ARMC3: variants seen among roughly 807,000 people sequenced by gnomAD.
ARMC3 encodes the protein armadillo repeat-containing protein 3.
In ARMC3, 74 loss-of-function variants were observed where a neutral mutation model predicts 90.3. That is an observed-to-expected ratio of 0.82 (90% CI 0.68 to 0.99). The LOEUF (loss-of-function observed/expected upper bound fraction) is 0.99, where lower values mean the gene tolerates loss of function less well. Ranked by LOEUF, ARMC3 falls within the 50% of genes least tolerant of loss-of-function variation. The pLI, the probability that ARMC3 is intolerant of heterozygous loss-of-function variation, is 0.00. For synonymous variants in ARMC3, 334 were observed against 361.8 expected, an observed-to-expected ratio of 0.92 and a Z score of 0.87; for missense variants, 958 against 1,042.8, an observed-to-expected ratio of 0.92 and a Z score of 1.12.
At chr10:22,967,112 G>A (rs1029708397) in intron 7 of ARMC3, among the ~76,000 whole-genome samples, 3 of 152,106 alleles carry the variant, frequency 2.0e-5, no homozygotes, top group Non-Finnish European at 2.9e-5. Flanking sequence ...GTTGTAATTC[G>A]AGTCCAGGGG....
intron 4 of ARMC3, 62 bp from the exon 5 acceptor site, chr10:22,959,008 C>A: frequency 7.4e-7 from 1 of 1,356,674 alleles, no homozygotes; most frequent in Non-Finnish European, 1.1e-6. Context: ...CAGGCATGAG[C>A]CACCACACCC....
chr10:22,991,374 C>T (rs562390808), intron 10 of ARMC3, among the ~76,000 whole-genome samples: 4 of 152,086 alleles, frequency 2.6e-5, no homozygotes, highest in African/African-American at 4.8e-5. Context: ...TGTGATCCGT[C>T]GGTACAGCTG....
intron 12 of ARMC3, 70 bp from the exon 13 acceptor site, chr10:23,003,176 G>GT (rs1353218646): frequency 7.1e-7 from 1 of 1,405,836 alleles, no homozygotes; most frequent in African/African-American, 1.4e-5. Flanking sequence ...TCTGAAGTCG[G>GT]TATATAAGTG....
chr10:22,932,030 C>T lies in ARMC3; in HGVS notation c.34C>T (p.Pro12Ser), dbSNP rs755898923. Residue 12 changes from proline to serine, a missense_variant, in exon 2 of 19, where the codon CCT (proline) becomes TCT (serine). Pro to Ser is a moderately conservative substitution (Grantham distance 74, BLOSUM62 -1). Coordinates refer to ENST00000298032, the MANE Select transcript of ARMC3 (RefSeq NM_173081.5). The stretch of plus-strand genomic sequence containing the variant: ...AAAGATAAAGAAGGAAGTAGAGCCT[C>T]CTCCTAAGGATGTGGTAAGTTTCTG... ...GKKIKKEVEPPPKDVFDPLMI... is the reference protein window; with the variant it reads ...GKKIKKEVEPSPKDVFDPLMI... The T allele has an allele frequency of 3.1e-6, 5 of 1,603,348 alleles. No homozygotes were observed. The South Asian group carries it at 5.6e-5, about 18-fold the overall frequency.
intron 10 of ARMC3, 84 bp downstream of exon 10, chr10:22,981,784 A>G (rs1836203167): frequency 5.2e-6 from 6 of 1,146,260 alleles, no homozygotes; most frequent in Non-Finnish European, 7.7e-6. Flanking sequence ...ATTGACTTTC[A>G]CGATAGTCTA....
chr10:22,940,281 G>A (rs1053702569), intron 2 of ARMC3, among the ~76,000 whole-genome samples: 1 of 152,152 alleles, frequency 6.6e-6, no homozygotes, highest in Non-Finnish European at 1.5e-5. Flanking sequence ...TGGCAAAAAA[G>A]GCTATGCGAT....
chr10:22,998,963 A>G (rs1837153297), intron 11 of ARMC3, among the ~76,000 whole-genome samples: 1 of 152,246 alleles, frequency 6.6e-6, no homozygotes, highest in Non-Finnish European at 1.5e-5. Flanking sequence ...GGGAATGCTG[A>G]ATCCGAAATT....
intron 6 of ARMC3, chr10:22,960,044 A>G (rs1835124808): frequency 6.1e-6 from 2 of 327,540 alleles, no homozygotes; most frequent in South Asian, 5.0e-5. Flanking sequence ...CACAATAGCA[A>G]GATGCTACCT....
At chr10:22,947,677 C>T (rs1179618323) in intron 3 of ARMC3, among the ~76,000 whole-genome samples, 1 of 152,172 alleles carries the variant, frequency 6.6e-6, no homozygotes, top group African/African-American at 2.4e-5. Context: ...ACAGTGTCTT[C>T]ATATTAGTTC....
intron 16 of ARMC3, among the ~76,000 whole-genome samples, chr10:23,013,052 C>G (rs191501184): frequency 6.6e-6 from 1 of 152,188 alleles, no homozygotes; most frequent in Admixed American, 6.5e-5. Flanking sequence ...TCATGCCCAG[C>G]TAATTTTTAT....
In ARMC3 at chr10:22,959,141, A is replaced by T. The variant is rs1835083134; in HGVS notation, c.361+3A>T. The T allele has an allele frequency of 6.2e-7, 1 of 1,610,454 alleles. No homozygotes were observed. The highest frequency in any genetic ancestry group is 8.5e-7 in the Non-Finnish European group (1 of 1,176,782). On this transcript the variant is annotated splice_donor_region_variant and intron_variant, in intron 5 of 18. Coordinates refer to ENST00000298032, the MANE Select transcript of ARMC3 (RefSeq NM_173081.5). ...CATTGCCCAGCTCGCTCCAGAAGGTAACTTTGCATTCTATATCTGTTTTAA... is the reference window on the plus strand; with the variant it reads ...CATTGCCCAGCTCGCTCCAGAAGGTTACTTTGCATTCTATATCTGTTTTAA...
chr10:22,928,983 TTGGGAGG>T (rs1217809166), intron 1 of ARMC3, among the ~76,000 whole-genome samples: 28 of 152,188 alleles, frequency 1.8e-4, no homozygotes, highest in South Asian at 8.3e-4. Context: ...CCCCAGCACT[TTGGGAGG>T]CTGAGGCGGG....
chr10:22,979,082 C>A (rs977037291), intron 8 of ARMC3, among the ~76,000 whole-genome samples: 9 of 152,134 alleles, frequency 5.9e-5, no homozygotes, highest in African/African-American at 2.2e-4. Context: ...GCATTAACAT[C>A]TCAGCAGGAG....
intron 12 of ARMC3, among the ~76,000 whole-genome samples, chr10:23,002,364 C>T (rs1564385394): frequency 6.6e-6 from 1 of 152,210 alleles, no homozygotes; most frequent in Non-Finnish European, 1.5e-5. Flanking sequence ...TGTCTCTCAA[C>T]TTTCAAGGCT....
chr10:23,005,734 C>T (rs1020569930), intron 13 of ARMC3, among the ~76,000 whole-genome samples: 1 of 151,964 alleles, frequency 6.6e-6, no homozygotes, highest in Admixed American at 6.6e-5. Flanking sequence ...CATGGTGGCA[C>T]GCACCTGTAA....
chr10:22,935,066 C>T (rs559004524), intron 2 of ARMC3, among the ~76,000 whole-genome samples: 1 of 152,274 alleles, frequency 6.6e-6, no homozygotes, highest in East Asian at 1.9e-4. Context: ...GCTCTAAATT[C>T]CCAAGAGACT....
chr10:22,961,781 G>T, intron 6 of ARMC3, 103 bp from the exon 7 acceptor site: 1 of 980,530 alleles, frequency 1.0e-6, no homozygotes. Context: ...ATAAAAGATG[G>T]GCAAATTATA....
intron 16 of ARMC3, chr10:23,014,323 GT>G: frequency 7.1e-7 from 1 of 1,406,750 alleles, no homozygotes; most frequent in South Asian, 1.6e-5. Context: ...CTCAATGTGC[GT>G]CCCTTCTCTC....
chr10:22,962,040 C>A lies in ARMC3; in HGVS notation c.694C>A (p.Gln232Lys). 6.2e-7 allele frequency: 1 copy of A among 1,602,232 alleles called. No individual in the cohort carries two copies. ...GTCTCGAACAATGCTAAGAGACAATCAAGGATTGGACCATCTTATTAAGAT... is the reference window on the plus strand; with the variant it reads ...GTCTCGAACAATGCTAAGAGACAATAAAGGATTGGACCATCTTATTAAGAT... Reference protein sequence around the residue: ...KESRTMLRDNQGLDHLIKILE... With the variant: ...KESRTMLRDNKGLDHLIKILE... The change falls in exon 7 of 19, where the codon CAA (glutamine) becomes AAA (lysine). Residue 232 changes from glutamine (Q) to lysine (K), a missense_variant. Physicochemically the swap from Gln to Lys is moderately conservative, Grantham distance 53. Transcript: ENST00000298032.
Sources: allele counts gnomAD v4.1 joint callset (sites outside exome capture counted in the v4.1 genomes callset), GRCh38; gene constraint gnomAD v4.1.1; transcripts MANE v1.5; gene names NCBI Gene and HGNC (gene_info 2026-07-23, HGNC 2026-07-21).